Variants in GOLGA3 observed in about 807,000 individuals in gnomAD.
GOLGA3 encodes golgin subfamily A member 3.
In GOLGA3, 75 loss-of-function variants were observed where a neutral mutation model predicts 169.4. The observed-to-expected ratio is 0.44, with a 90% confidence interval of 0.37 to 0.54. The LOEUF (loss-of-function observed/expected upper bound fraction) is 0.54, where lower values mean the gene tolerates loss of function less well. GOLGA3 is among the 20% of genes least tolerant of loss of function. The pLI, the probability that GOLGA3 is intolerant of heterozygous loss-of-function variation, is 0.00. For synonymous variants in GOLGA3, 824 were observed against 822.4 expected (o/e 1.00, Z -0.03); for missense variants, 1,899 against 1,930.0 (o/e 0.98, Z 0.30).
At position 132,789,800 on chromosome 12, in the gene GOLGA3, G is replaced by A. The variant is rs115226826; in HGVS notation, c.2548-510C>T. ...TGTAATCCCAGCACTCTGGGAGCCC[G>A]AGCTGGCTGATCACCTGAGGTCAGG... On this transcript the variant is annotated intron_variant, in intron 12 of 23. Transcript: ENST00000450791. Among the ~76,000 whole-genome samples, 267 of 34,102 alleles carry A rather than the reference G, an allele frequency of 7.8e-3. 4 individuals are homozygous for A. The highest frequency in any genetic ancestry group is 0.028 in the Middle Eastern group (1 of 36). 22.4% of individuals were successfully genotyped at this position (34,102 alleles called of 152,430 possible).
chr12:132,802,970 G>A (rs548065022), intron 7 of GOLGA3, among the ~76,000 whole-genome samples: 2 of 152,266 alleles, frequency 1.3e-5, no homozygotes, highest in East Asian at 1.9e-4. Flanking sequence ...CAGGAGAATC[G>A]CTTGAACCTG....
In GOLGA3 at chr12:132,777,899, G is replaced by T; in HGVS notation, c.3583-94C>A. On this transcript the variant is annotated intron_variant, in intron 18 of 23. Transcript: ENST00000450791. This position sits in a 1 kb window ranked among gnomAD's most constrained non-coding sequence, Gnocchi z 4.7. ...AGGGGGTGAATGCACTCCCGGCCCC[G>T]TGCATGTCCTGGCTGCCGGCGTGTG... is the stretch of plus-strand genomic sequence containing the variant. The T allele has an allele frequency of 7.3e-7, 1 of 1,369,686 alleles. No individual in the cohort carries two copies. The allele number at this position is 1,369,686 out of a possible 1,614,324, so 84.8% of individuals were successfully genotyped here.
Position 132,796,689 on chromosome 12 carries a change from CA to C in GOLGA3, c.1949del (p.Leu650TrpfsTer52). 3.7e-6 allele frequency: 6 copies of C among 1,613,846 alleles called. No homozygotes were observed. The highest frequency in any genetic ancestry group is 4.2e-6 in the Non-Finnish European group (5 of 1,179,944). On this transcript the variant is annotated frameshift_variant, in exon 10 of 24. Coordinates refer to ENST00000450791, the MANE Select transcript of GOLGA3 (RefSeq NM_001389683.1). LOFTEE classifies it high-confidence loss of function. ...TCTGCATGAAGGCTGCTTCCTGATC[CA>C]ACATGTCAGCCTGAGCCCAGGAAAC... Reference protein sequence around the residue: ...AQLQGIEADMLDQEAAFMQIQ... With the variant: ...AQLQGIEADMXDQEAAFMQIQ...
intron 11 of GOLGA3, among the ~76,000 whole-genome samples, chr12:132,792,299 GC>G (rs1327930410): frequency 2.6e-5 from 4 of 152,196 alleles, no homozygotes; most frequent in African/African-American, 9.7e-5. Context: ...GGCTCGGCAA[GC>G]CTTTCTTGGA....
At chr12:132,781,949 C>T (rs1253138451) in intron 17 of GOLGA3, among the ~76,000 whole-genome samples, 2 of 152,088 alleles carry the variant, frequency 1.3e-5, no homozygotes, top group Non-Finnish European at 1.5e-5. Context: ...CAGGTCTGCC[C>T]CCCGACTAAG....
In GOLGA3 at chr12:132,816,610, A is replaced by C; in HGVS notation, c.336T>G (p.Ala112=). ...AAGCTTCTTTTCTAACACTGCCCTC[A>C]GCACTAGTTCCCTGAGACTTCCTTA... is the stretch of plus-strand genomic sequence containing the variant. ...DNLRKSQGTS[A]EGSVRKEALQ... Residue 112 remains alanine (A), a synonymous_variant, in exon 3 of 24, where the codon GCT becomes GCG. Coordinates refer to ENST00000450791, the MANE Select transcript of GOLGA3 (RefSeq NM_001389683.1). 6.2e-7 allele frequency: 1 copy of C among 1,614,140 alleles called. No individual in the cohort carries two copies. The highest frequency in any genetic ancestry group is 8.5e-7 in the Non-Finnish European group (1 of 1,179,984).
chr12:132,785,766 G>A (rs537456213), intron 15 of GOLGA3, among the ~76,000 whole-genome samples: 1 of 152,316 alleles, frequency 6.6e-6, no homozygotes, highest in South Asian at 2.1e-4. Context: ...AATAAAATGC[G>A]GATGAACTCA....
rs1459312821 is a variant in GOLGA3, at chr12:132,769,831, A to G, written c.*3274T>C. Reference sequence around the variant, plus strand: ...TTCCATCATTCCCACTTCTGCCCACAAGAACAAAATAATTCAAACTTTATG... The same window carrying G: ...TTCCATCATTCCCACTTCTGCCCACGAGAACAAAATAATTCAAACTTTATG... On this transcript the variant is annotated 3_prime_UTR_variant, in exon 24 of 24. Transcript: ENST00000450791. The G allele has an allele frequency of 1.3e-5, 2 of 152,220 alleles. No individual in the cohort carries two copies. The highest frequency in any genetic ancestry group is 4.8e-5 in the African/African-American group (2 of 41,442). 9.4% of individuals were successfully genotyped at this position (152,220 alleles called of 1,614,324 possible).
Position 132,796,604 on chromosome 12 carries a change from C to T in GOLGA3, c.2035G>A (p.Gly679Ser). 2 of 1,614,080 alleles carry T rather than the reference C, an allele frequency of 1.2e-6. No individual in the cohort carries two copies. The highest frequency in any genetic ancestry group is 1.7e-5 in the Admixed American group (1 of 60,022). ...ATCCTCTGCAGCCGCTCCCTCTCAC[C>T]TTCAAACTCTTCCAGCCTCCTCTGA... is the stretch of plus-strand genomic sequence containing the variant. The part of the protein sequence containing the change: ...DLQRRLEEFE[G>S]ERERLQRMAD... The change falls in exon 10 of 24, where the codon GGT becomes AGT. Residue 679 changes from glycine (G) to serine (S), a missense_variant. Gly to Ser is a moderately conservative substitution (Grantham distance 56, BLOSUM62 0). Transcript: ENST00000450791.
intron 3 of GOLGA3, among the ~76,000 whole-genome samples, chr12:132,814,370 C>T (rs559674467): frequency 3.9e-5 from 6 of 152,290 alleles, no homozygotes; most frequent in South Asian, 2.1e-4. Flanking sequence ...AAGCTGGAGC[C>T]GTGCCGAGCA....
chr12:132,818,502 C>T (rs1950084503), intron 2 of GOLGA3, among the ~76,000 whole-genome samples: 2 of 152,240 alleles, frequency 1.3e-5, no homozygotes, highest in African/African-American at 2.4e-5. Context: ...CATTCACCAG[C>T]CTCGGCCTCC....
At chr12:132,785,907 T>C (rs144803727) in intron 15 of GOLGA3, among the ~76,000 whole-genome samples, 146 of 152,282 alleles carry the variant, frequency 9.6e-4, no homozygotes, top group Non-Finnish European at 1.8e-3. Flanking sequence ...CATGGCTACC[T>C]CTAAACGCTC....
At chr12:132,820,243 G>A (rs1473681056) in intron 2 of GOLGA3, among the ~76,000 whole-genome samples, 3 of 151,972 alleles carry the variant, frequency 2.0e-5, no homozygotes, top group Admixed American at 2.0e-4. Context: ...AGAGACCAAG[G>A]CAGGAGGATC....
At chr12:132,801,048 C>G (rs1238815057) in intron 8 of GOLGA3, among the ~76,000 whole-genome samples, 1 of 152,242 alleles carries the variant, frequency 6.6e-6, no homozygotes, top group Non-Finnish European at 1.5e-5. Flanking sequence ...GGTGCTGAGA[C>G]TCGGATCGAG....
chr12:132,783,395 C>G (rs1005020885), intron 16 of GOLGA3, among the ~76,000 whole-genome samples: 2 of 147,680 alleles, frequency 1.4e-5, no homozygotes, highest in African/African-American at 5.0e-5. Context: ...TGAGCCCTGG[C>G]TAGGCCACTC....
intron 6 of GOLGA3, among the ~76,000 whole-genome samples, chr12:132,806,291 G>A (rs1424043330): frequency 3.3e-5 from 5 of 152,206 alleles, no homozygotes; most frequent in East Asian, 1.9e-4. Context: ...GCAAGCCACC[G>A]TTCGAGAGAG....
At position 132,780,895 on chromosome 12, in the gene GOLGA3, C is replaced by A. The variant is rs201399868; in HGVS notation, c.3485G>T (p.Arg1162Leu). The change falls in exon 18 of 24, where the codon CGC becomes CTC. Residue 1162 changes from arginine (R) to leucine (L), a missense_variant. Coordinates refer to ENST00000450791, the MANE Select transcript of GOLGA3 (RefSeq NM_001389683.1). ...CATCTGGCGATCCTCCTCTTCTTTG[C>A]GCTGCAAAACTGCCTGCACCTAGAT... Reference protein sequence around the residue: ...LNLQVQAVLQRKEEEDRQMKH... With the variant: ...LNLQVQAVLQLKEEEDRQMKH... The A allele has an allele frequency of 6.2e-7, 1 of 1,611,140 alleles. No homozygotes were observed. Among genetic ancestry groups the A allele is most frequent in the Non-Finnish European group, 8.5e-7 (1 of 1,179,762 alleles).
chr12:132,787,944 T>A (rs1380255502), intron 13 of GOLGA3, among the ~76,000 whole-genome samples: 1 of 150,564 alleles, frequency 6.6e-6, no homozygotes, highest in African/African-American at 2.5e-5. Context: ...CTCCTCAGGA[T>A]CAACTGTGAA....
chr12:132,795,208 G>C (rs1293543941), intron 11 of GOLGA3, among the ~76,000 whole-genome samples: 1 of 150,190 alleles, frequency 6.7e-6, no homozygotes, highest in Non-Finnish European at 1.5e-5. Flanking sequence ...AAAGAAAAAA[G>C]GGGTCGGGCG....
Sources: gnomAD v4.1 joint callset for allele counts (sites outside exome capture counted in the v4.1 genomes callset) on GRCh38, gnomAD v4.1.1 for gene constraint, Gnocchi (gnomAD v3.1) non-coding constraint, MANE v1.5 for transcripts, NCBI Gene and HGNC (gene_info 2026-07-23, HGNC 2026-07-21) for gene names.